Variants in B4GALT1 observed in about 807,000 individuals in gnomAD.
B4GALT1 encodes the protein beta-1,4-galactosyltransferase 1, also known as N-acetyllactosamine synthase.
B4GALT1 carries 16 observed loss-of-function variants against 34.9 expected under a neutral mutation model. The observed-to-expected ratio is 0.46, with a 90% CI of 0.31 to 0.70. The LOEUF is 0.70. B4GALT1 is among the 30% of genes least tolerant of loss of function. B4GALT1 has a pLI of 0.05. For missense variants in B4GALT1, 445 were observed against 530.5 expected (o/e 0.84, Z 1.58); for synonymous variants, 221 against 218.1 (o/e 1.01, Z -0.12).
intron 3 of B4GALT1, 98 bp downstream of exon 3, chr9:33,120,321 G>A (rs1180658305): frequency 1.5e-6 from 2 of 1,375,924 alleles, no homozygotes; most frequent in Non-Finnish European, 2.1e-6. Flanking sequence ...TTCTGCTCCA[G>A]AGCTTAAAGA....
At chr9:33,108,586 G>A (rs556892471), downstream of B4GALT1, 3 of 152,264 alleles carry the variant, frequency 2.0e-5, no homozygotes, top group South Asian at 2.1e-4. Flanking sequence ...ATAGGCATAT[G>A]TCAGCTGTGT....
At chr9:33,179,574 C>T in the B4GALT1 span, 2 of 152,358 alleles carry the variant, frequency 1.3e-5, no homozygotes, top group African/African-American at 4.8e-5. Context: ...CCCTGACTTA[C>T]TGTTAGACTT....
intron 2 of B4GALT1, among the ~76,000 whole-genome samples, chr9:33,125,370 G>A (rs1428161949): frequency 2.0e-5 from 3 of 152,208 alleles, no homozygotes; most frequent in South Asian, 2.1e-4. Flanking sequence ...CCGAGGCTGG[G>A]GAGAAGGGTT....
chr9:33,119,353 G>A (rs772162726), intron 3 of B4GALT1, among the ~76,000 whole-genome samples: 1 of 152,198 alleles, frequency 6.6e-6, no homozygotes, highest in Admixed American at 6.5e-5. Flanking sequence ...GGGCATTTTG[G>A]TGGAAAAATT....
chr9:33,173,038 G>C, the B4GALT1 span, among the ~76,000 whole-genome samples: 1 of 152,126 alleles, frequency 6.6e-6, no homozygotes, highest in African/African-American at 2.4e-5. Context: ...CTGTGAAGTA[G>C]GGCAACCGAG....
the B4GALT1 span, among the ~76,000 whole-genome samples, chr9:33,181,962 CT>C: frequency 0.91 from 129,837 of 142,222 alleles, 59,235 homozygotes; most frequent in Middle Eastern, 0.96. Context: ...TCTTTTCTTT[CT>C]TTTTTTTTTT....
At chr9:33,138,957 C>T (rs189278681) in intron 1 of B4GALT1, among the ~76,000 whole-genome samples, 107 of 152,098 alleles carry the variant, frequency 7.0e-4, no homozygotes, top group African/African-American at 2.3e-3. Context: ...CACACACTAA[C>T]GCTCTCTCAC....
the B4GALT1 span, among the ~76,000 whole-genome samples, chr9:33,173,686 T>C: frequency 1.3e-5 from 2 of 151,668 alleles, no homozygotes; most frequent in Non-Finnish European, 2.9e-5. Context: ...CAGCCAAGTC[T>C]TGGTTTCTAA....
intron 1 of B4GALT1, among the ~76,000 whole-genome samples, chr9:33,150,337 G>GT (rs1423635698): frequency 1.9e-4 from 29 of 149,834 alleles, no homozygotes; most frequent in African/African-American, 7.1e-4. Flanking sequence ...GGACTCCAAA[G>GT]GATATCCAGG....
At chr9:33,166,722 C>T in intron 1 of B4GALT1, 36 bp downstream of exon 1, 1 of 1,483,586 alleles carries the variant, frequency 6.7e-7, no homozygotes. Flanking sequence ...CCGGGGGGGT[C>T]CCAATCCTCC....
chr9:33,166,869 T>C lies in B4GALT1; in HGVS notation c.301A>G (p.Ser101Gly). 6.3e-7 allele frequency: 1 copy of C among 1,578,232 alleles called. No homozygotes were observed. The highest frequency in any genetic ancestry group is 8.6e-7 in the Non-Finnish European group (1 of 1,168,814). ...CCAGGGCCAGAATCCACGACTGGGCTGGAGTCGCCACCCGGGCGCGGCTGG... is the reference window on the plus strand; with the variant it reads ...CCAGGGCCAGAATCCACGACTGGGCCGGAGTCGCCACCCGGGCGCGGCTGG... The part of the protein sequence containing the change: ...SSQPRPGGDS[S>G]PVVDSGPGPA... The change falls in exon 1 of 6, where the codon AGC (serine) becomes GGC (glycine). Residue 101 changes from serine to glycine, a missense_variant. Physicochemically the swap from Ser to Gly is moderately conservative, Grantham distance 56 (BLOSUM62 0). Coordinates refer to ENST00000379731, the MANE Select transcript of B4GALT1 (RefSeq NM_001497.4).
downstream of B4GALT1, chr9:33,110,542 T>G (rs997660355): frequency 6.6e-6 from 1 of 152,192 alleles, no homozygotes; most frequent in African/African-American, 2.4e-5. Flanking sequence ...CAGGGAGGCA[T>G]GTGTATTTGT....
intron 2 of B4GALT1, among the ~76,000 whole-genome samples, chr9:33,133,132 A>T (rs183224081): frequency 6.5e-4 from 99 of 152,274 alleles, no homozygotes; most frequent in Non-Finnish European, 1.2e-3. Flanking sequence ...TGAACTCCTG[A>T]CTTCAAGTGA....
At chr9:33,144,670 C>T (rs537731826) in intron 1 of B4GALT1, among the ~76,000 whole-genome samples, 2 of 152,366 alleles carry the variant, frequency 1.3e-5, no homozygotes, top group Non-Finnish European at 2.9e-5. Flanking sequence ...GTCATCCCCT[C>T]TTCAGAGCTT....
In B4GALT1 at chr9:33,166,909, A is replaced by G. The variant is rs1347263766; in HGVS notation, c.261T>C (p.Pro87=). 9 of 1,578,090 alleles carry G rather than the reference A, an allele frequency of 5.7e-6. No homozygotes were observed. The highest frequency in any genetic ancestry group is 6.8e-6 in the Non-Finnish European group (8 of 1,168,980). Residue 87 remains proline (P), a synonymous_variant, in exon 1 of 6, where the codon CCT becomes CCC. Transcript: ENST00000379731. ...GGCGCGGCTGGGAGGAGGCGCCTAG[A>G]GGAGGCGGCGGCCGGGCCCCTCCGG... ...LRTGGARPPP[P]LGASSQPRPG... is the part of the protein sequence containing the mutation.
intron 1 of B4GALT1, among the ~76,000 whole-genome samples, chr9:33,145,414 A>C (rs1268973628): frequency 6.6e-6 from 1 of 152,178 alleles, no homozygotes; most frequent in Non-Finnish European, 1.5e-5. Context: ...CATGGGTCAC[A>C]AAATCACCAG....
At chr9:33,115,322 G>T (rs1366933635) in intron 4 of B4GALT1, among the ~76,000 whole-genome samples, 1 of 152,252 alleles carries the variant, frequency 6.6e-6, no homozygotes, top group African/African-American at 2.4e-5. Context: ...CTGGCTCCTG[G>T]AGGGAGAAGG....
At chr9:33,164,970 ATTTT>A (rs534464885) in intron 1 of B4GALT1, among the ~76,000 whole-genome samples, 43 of 107,558 alleles carry the variant, frequency 4.0e-4, no homozygotes, top group African/African-American at 9.9e-4. Context: ...GAGTGCCCGT[ATTTT>A]TTTTTTTTTT....
intron 1 of B4GALT1, among the ~76,000 whole-genome samples, chr9:33,145,408 G>C (rs1208126540): frequency 6.6e-6 from 1 of 152,046 alleles, no homozygotes; most frequent in East Asian, 1.9e-4. Context: ...GTTTTACATG[G>C]GTCACAAAAT....
Sources: gnomAD v4.1 joint callset for allele counts (sites outside exome capture counted in the v4.1 genomes callset) on GRCh38, gnomAD v4.1.1 for gene constraint, MANE v1.5 for transcripts, NCBI Gene and HGNC (gene_info 2026-07-23, HGNC 2026-07-21) for gene names.